The following RGS7 variants were observed in gnomAD, a reference collection of about 807,000 sequenced individuals.
The protein encoded by RGS7 is regulator of G protein signaling 7, also known as regulator of G-protein signaling 7.
Under a neutral mutation model 81.1 loss-of-function variants are expected in RGS7, and 27 were observed. The observed-to-expected ratio is 0.33, with a 90% CI of 0.25 to 0.46. The LOEUF is 0.46. Ranked by LOEUF, RGS7 falls within the 20% of genes least tolerant of loss-of-function variation. RGS7 has a pLI of 1.00. For missense variants in RGS7, 396 were observed against 607.4 expected, an observed-to-expected ratio of 0.65 and a Z score of 3.66; for synonymous variants, 208 against 207.7, an observed-to-expected ratio of 1.00 and a Z score of -0.01.
chr1:241,185,579 C>A (rs1270569144), intron 2 of RGS7, among the ~76,000 whole-genome samples: 2 of 151,710 alleles, frequency 1.3e-5, no homozygotes, highest in Non-Finnish European at 2.9e-5. Flanking sequence ...CAAATTAGAC[C>A]GTATTCTGAG....
intron 2 of RGS7, among the ~76,000 whole-genome samples, chr1:241,102,609 T>C (rs2064837745): frequency 6.6e-6 from 1 of 152,240 alleles, no homozygotes; most frequent in Non-Finnish European, 1.5e-5. Context: ...AATGTTCACC[T>C]TATCTTATGT....
chr1:241,284,513 T>C (rs1054304270), intron 2 of RGS7, among the ~76,000 whole-genome samples: 4 of 152,080 alleles, frequency 2.6e-5, no homozygotes, highest in Non-Finnish European at 5.9e-5. Context: ...CCAGGAACAA[T>C]GGTGAAAGTC....
chr1:240,947,522 C>G (rs540265744), intron 4 of RGS7, among the ~76,000 whole-genome samples: 2 of 152,236 alleles, frequency 1.3e-5, no homozygotes, highest in African/African-American at 4.8e-5. Flanking sequence ...TGATGTCTTT[C>G]TCCCATTCAC....
intron 3 of RGS7, among the ~76,000 whole-genome samples, chr1:241,023,205 C>T (rs1442811805): frequency 6.6e-6 from 1 of 151,994 alleles, no homozygotes; most frequent in African/African-American, 2.4e-5. Context: ...ACCAAAACAG[C>T]CTTAACATTT....
At chr1:240,932,387 C>A (rs1318746364) in intron 5 of RGS7, among the ~76,000 whole-genome samples, 1 of 152,158 alleles carries the variant, frequency 6.6e-6, no homozygotes, top group Non-Finnish European at 1.5e-5. Flanking sequence ...TCACCCCAAT[C>A]TCACTTGACT....
chr1:240,941,781 A>G (rs985178918), intron 4 of RGS7, among the ~76,000 whole-genome samples: 11 of 151,640 alleles, frequency 7.3e-5, no homozygotes, highest in Non-Finnish European at 1.0e-4. Context: ...TCTTAATCTA[A>G]TAAGAATCCA....
intron 5 of RGS7, among the ~76,000 whole-genome samples, chr1:240,934,843 C>T (rs1244803149): frequency 2.1e-5 from 3 of 145,728 alleles, no homozygotes; most frequent in African/African-American, 7.7e-5. Context: ...CTCCTTTTCT[C>T]CTGTGTGTAT....
chr1:241,229,567 C>T (rs1010507273), intron 2 of RGS7, among the ~76,000 whole-genome samples: 3 of 152,174 alleles, frequency 2.0e-5, no homozygotes, highest in Non-Finnish European at 2.9e-5. Context: ...TTGAGCTGCT[C>T]TAAATATTTG....
At chr1:240,881,336 CG>C (rs1237217450) in intron 6 of RGS7, among the ~76,000 whole-genome samples, 1 of 54,560 alleles carries the variant, frequency 1.8e-5, no homozygotes, top group Non-Finnish European at 3.4e-5. Flanking sequence ...ACATCACACA[CG>C]GGGGGCCTGT....
rs113027458 is a variant in RGS7, at chr1:240,782,014, C to CAA, written c.*7-5803_*7-5802dup. On this transcript the variant is annotated intron_variant, in intron 18 of 18. Coordinates refer to ENST00000440928, the MANE Select transcript of RGS7 (RefSeq NM_001364886.1). Reference sequence around the variant, plus strand: ...TGGGCAATAGAGTGAGACTCCGTCTCAAAAAAAAAAAAAGAGATCTTAAGT... The same window carrying CAA: ...TGGGCAATAGAGTGAGACTCCGTCTCAAAAAAAAAAAAAAAGAGATCTTAAGT... Among the ~76,000 whole-genome samples the CAA allele has an allele frequency of 4.0e-3, 517 of 128,992 alleles. 1 individual carries two copies. Among genetic ancestry groups the CAA allele is most frequent in the African/African-American group, 0.013 (499 of 37,006 alleles). 84.6% of individuals were successfully genotyped at this position (128,992 alleles called of 152,430 possible).
chr1:241,074,376 T>A (rs2062671392), intron 3 of RGS7, among the ~76,000 whole-genome samples: 1 of 151,966 alleles, frequency 6.6e-6, no homozygotes, highest in African/African-American at 2.4e-5. Flanking sequence ...TTGGTGAGGA[T>A]TGAGGAATAG....
At chr1:240,950,486 T>G (rs1679377659) in intron 4 of RGS7, among the ~76,000 whole-genome samples, 1 of 152,154 alleles carries the variant, frequency 6.6e-6, no homozygotes, top group Non-Finnish European at 1.5e-5. Flanking sequence ...GGGGCAGAGC[T>G]TCTACAAAAT....
At chr1:240,909,347 G>A (rs183429621) in intron 6 of RGS7, among the ~76,000 whole-genome samples, 11 of 152,160 alleles carry the variant, frequency 7.2e-5, no homozygotes, top group East Asian at 3.9e-4. Context: ...GTACAAATGC[G>A]AGTTATCCAT....
At chr1:241,337,694 C>T (rs1252253374) in intron 2 of RGS7, among the ~76,000 whole-genome samples, 1 of 152,160 alleles carries the variant, frequency 6.6e-6, no homozygotes, top group East Asian at 1.9e-4. Context: ...GGAGCCAGAA[C>T]CGTTTTATAC....
chr1:241,097,791 C>G (rs1176997629), intron 3 of RGS7, among the ~76,000 whole-genome samples: 5 of 152,138 alleles, frequency 3.3e-5, no homozygotes, highest in Non-Finnish European at 7.3e-5. Context: ...TTGGGTTTCT[C>G]CAGTCATTGC....
At chr1:241,066,082 T>C (rs764608252) in intron 3 of RGS7, among the ~76,000 whole-genome samples, 1 of 152,208 alleles carries the variant, frequency 6.6e-6, no homozygotes, top group Non-Finnish European at 1.5e-5. Flanking sequence ...ATCTTATAAA[T>C]GAATAATGGA....
At chr1:241,101,601 T>C (rs1241404091) in intron 2 of RGS7, among the ~76,000 whole-genome samples, 4 of 152,166 alleles carry the variant, frequency 2.6e-5, no homozygotes, top group African/African-American at 4.8e-5. Context: ...CCCACTTCTT[T>C]TGTAATAAAG....
chr1:241,128,794 A>C (rs2066876293), intron 2 of RGS7, among the ~76,000 whole-genome samples: 1 of 150,754 alleles, frequency 6.6e-6, no homozygotes, highest in Non-Finnish European at 1.5e-5. Flanking sequence ...AAAAAAAAAA[A>C]AAAAACTCTT....
chr1:241,141,513 TAC>T (rs1225494588), intron 2 of RGS7, among the ~76,000 whole-genome samples: 5 of 152,138 alleles, frequency 3.3e-5, no homozygotes, highest in African/African-American at 1.2e-4. Flanking sequence ...TCAGGAAACT[TAC>T]AGTCATGGTG....
Sources: gnomAD v4.1 joint callset for allele counts (sites outside exome capture counted in the v4.1 genomes callset) on GRCh38, gnomAD v4.1.1 for gene constraint, MANE v1.5 for transcripts, NCBI Gene and HGNC (gene_info 2026-07-23, HGNC 2026-07-21) for gene names.